GADL1: variants seen among roughly 807,000 people sequenced by gnomAD.
The protein encoded by GADL1 is acidic amino acid decarboxylase GADL1.
Under a neutral mutation model 69.5 loss-of-function variants are expected in GADL1, and 71 were observed. That is an observed-to-expected ratio of 1.02 (90% CI 0.84 to 1.25). The LOEUF is 1.25. Among genes scored for constraint, GADL1 ranks in the 50% most tolerant of loss-of-function variants. The pLI is 0.00. For missense variants in GADL1, 737 were observed against 631.8 expected (o/e 1.17, Z -1.79); for synonymous variants, 254 against 214.4 (o/e 1.18, Z -1.62).
chr3:30,843,381 G>A (rs1007958869), intron 8 of GADL1, among the ~76,000 whole-genome samples: 10 of 150,802 alleles, frequency 6.6e-5, no homozygotes, highest in African/African-American at 2.2e-4. Flanking sequence ...TCAGTCTCCC[G>A]ACTAGCTGGG....
At chr3:30,836,078 A>G (rs1198414038) in intron 9 of GADL1, among the ~76,000 whole-genome samples, 1 of 151,970 alleles carries the variant, frequency 6.6e-6, no homozygotes, top group Non-Finnish European at 1.5e-5. Context: ...TAAATTACCT[A>G]CTTTTCTCAC....
intron 1 of GADL1, among the ~76,000 whole-genome samples, chr3:30,867,439 T>TATATATATATATATATATATATAC (rs1319135425): frequency 0.019 from 2,651 of 138,224 alleles, 54 homozygotes; most frequent in East Asian, 0.038. Context: ...TATATATATA[T>TATATATATATATATATATATATAC]ACACATATAT....
At chr3:30,836,066 C>A (rs1429783863) in intron 9 of GADL1, among the ~76,000 whole-genome samples, 1 of 151,962 alleles carries the variant, frequency 6.6e-6, no homozygotes, top group East Asian at 1.9e-4. Flanking sequence ...TATTCTAAAT[C>A]CTAAATTACC....
chr3:30,886,020 T>G (rs1478910891), intron 1 of GADL1, among the ~76,000 whole-genome samples: 1 of 152,110 alleles, frequency 6.6e-6, no homozygotes, highest in Non-Finnish European at 1.5e-5. Context: ...AAAAACAGAT[T>G]AGCAATAAAT....
intron 14 of GADL1, among the ~76,000 whole-genome samples, chr3:30,768,154 C>T (rs546152955): frequency 6.6e-6 from 1 of 151,342 alleles, no homozygotes; most frequent in Non-Finnish European, 1.5e-5. Context: ...TAATACAAAG[C>T]TAATCAGGCT....
At position 30,749,763 on chromosome 3, in the gene GADL1, A is replaced by G. The variant is rs149774373; in HGVS notation, c.1393-21348T>C. Reference sequence around the variant, plus strand: ...TCTACTGAGTGGTTTCATTCGCCCCAGCTGAACAGCTGACACGAGCTCCCG... The same window carrying G: ...TCTACTGAGTGGTTTCATTCGCCCCGGCTGAACAGCTGACACGAGCTCCCG... On this transcript the variant is annotated intron_variant, in intron 14 of 14. Coordinates refer to ENST00000282538, the MANE Select transcript of GADL1 (RefSeq NM_207359.3). Among the ~76,000 whole-genome samples, 318 of 152,346 alleles carry G rather than the reference A, an allele frequency of 2.1e-3. 1 individual carries two copies. The highest frequency in any genetic ancestry group is 3.1e-3 in the Non-Finnish European group (214 of 68,028).
At chr3:30,816,090 G>A (rs1697463653) in intron 11 of GADL1, among the ~76,000 whole-genome samples, 1 of 152,144 alleles carries the variant, frequency 6.6e-6, no homozygotes, top group Non-Finnish European at 1.5e-5. Flanking sequence ...TGCCAGGCCT[G>A]CACTGGACAT....
At chr3:30,864,277 GGATTTC>G (rs1698363707) in intron 1 of GADL1, among the ~76,000 whole-genome samples, 1 of 151,594 alleles carries the variant, frequency 6.6e-6, no homozygotes, top group East Asian at 2.0e-4. Flanking sequence ...CTCATTAGTA[GGATTTC>G]AAGCTTTTAT....
chr3:30,847,885 C>T (rs867098757), intron 6 of GADL1, among the ~76,000 whole-genome samples: 8 of 152,124 alleles, frequency 5.3e-5, no homozygotes, highest in East Asian at 1.9e-4. Context: ...CTTTCCCAGG[C>T]GTAATCTCTG....
At chr3:30,875,591 C>T (rs779745820) in intron 1 of GADL1, among the ~76,000 whole-genome samples, 3 of 151,816 alleles carry the variant, frequency 2.0e-5, no homozygotes, top group Non-Finnish European at 2.9e-5. Context: ...GACACTCTCA[C>T]GAAAGAATAG....
chr3:30,797,146 C>G (rs1175610532), intron 12 of GADL1, among the ~76,000 whole-genome samples: 1 of 152,126 alleles, frequency 6.6e-6, no homozygotes, highest in Non-Finnish European at 1.5e-5. Flanking sequence ...TCTGTCATGG[C>G]CATCTCAAGA....
intron 1 of GADL1, among the ~76,000 whole-genome samples, chr3:30,882,394 T>G (rs1192306889): frequency 1.3e-5 from 2 of 151,974 alleles, no homozygotes; most frequent in African/African-American, 4.8e-5. Context: ...TTCTGTGAAT[T>G]TTACTACTTT....
chr3:30,750,073 C>A (rs774818851), intron 14 of GADL1, among the ~76,000 whole-genome samples: 22 of 152,150 alleles, frequency 1.4e-4, no homozygotes, highest in Admixed American at 1.4e-3. Context: ...CAAGAATTTA[C>A]AAGTGACTCC....
At chr3:30,815,847 G>A (rs2125515037) in intron 11 of GADL1, among the ~76,000 whole-genome samples, 1 of 152,256 alleles carries the variant, frequency 6.6e-6, no homozygotes, top group East Asian at 1.9e-4. Flanking sequence ...CTTGTTTTAG[G>A]CACACATAAG....
At chr3:30,739,318 T>C (rs559730500) in intron 14 of GADL1, among the ~76,000 whole-genome samples, 47 of 152,278 alleles carry the variant, frequency 3.1e-4, no homozygotes, top group Non-Finnish European at 6.6e-4. Context: ...TTCGCCATCC[T>C]GCACCCTCCT....
intron 1 of GADL1, among the ~76,000 whole-genome samples, chr3:30,886,560 G>T (rs1698714557): frequency 6.6e-6 from 1 of 152,140 alleles, no homozygotes; most frequent in Non-Finnish European, 1.5e-5. Context: ...TGACAAAGGG[G>T]CATCATTGAA....
Position 30,739,073 on chromosome 3 carries a change from G to A in GADL1, c.1393-10658C>T, listed in dbSNP as rs7633249. Among the ~76,000 whole-genome samples the A allele has an allele frequency of 3.6e-3, 543 of 152,252 alleles. 4 individuals are homozygous for A. Among genetic ancestry groups the A allele is most frequent in the African/African-American group, 0.013 (525 of 41,546 alleles). On this transcript the variant is annotated intron_variant, in intron 14 of 14. Coordinates refer to ENST00000282538, the MANE Select transcript of GADL1 (RefSeq NM_207359.3). Reference sequence around the variant, plus strand: ...CAGCACAGGCACAGATGTGGGAAGCGGCCCCAGTGTTGGCACAGCAATAAT... The same window carrying A: ...CAGCACAGGCACAGATGTGGGAAGCAGCCCCAGTGTTGGCACAGCAATAAT...
chr3:30,813,421 C>T (rs1424623419), intron 11 of GADL1, among the ~76,000 whole-genome samples: 1 of 152,152 alleles, frequency 6.6e-6, no homozygotes, highest in East Asian at 1.9e-4. Flanking sequence ...ACAAAACAGA[C>T]ACAGAGTGAG....
At chr3:30,863,047 ACACACACT>A (rs1181084653) in intron 1 of GADL1, among the ~76,000 whole-genome samples, 166 of 149,810 alleles carry the variant, frequency 1.1e-3, no homozygotes, top group Non-Finnish European at 1.9e-3. Context: ...ACACACACAC[ACACACACT>A]CTCTCTCACA....
Sources: gnomAD v4.1 joint callset for allele counts (sites outside exome capture counted in the v4.1 genomes callset) on GRCh38, gnomAD v4.1.1 for gene constraint, MANE v1.5 for transcripts, NCBI Gene and HGNC (gene_info 2026-07-23, HGNC 2026-07-21) for gene names.